The following MTPN variants were observed in gnomAD, a reference collection of about 807,000 sequenced individuals.
The protein encoded by MTPN is myotrophin, also known as granule cell differentiation protein.
Under a neutral mutation model 13.5 loss-of-function variants are expected in MTPN, and 2 were observed. The observed-to-expected ratio is 0.15, with a 90% CI of 0.06 to 0.47. MTPN has a LOEUF of 0.47. Ranked by LOEUF, MTPN falls within the 20% of genes least tolerant of loss-of-function variation. The pLI is 0.97. For missense variants in MTPN, 79 were observed against 137.9 expected (o/e 0.57, Z 2.14); for synonymous variants, 46 against 51.7 (o/e 0.89, Z 0.48).
At chr7:135,974,338 G>A (rs1052189924) in intron 1 of MTPN, among the ~76,000 whole-genome samples, 1 of 152,166 alleles carries the variant, frequency 6.6e-6, no homozygotes, top group Non-Finnish European at 1.5e-5. Flanking sequence ...GAGGCTAGGA[G>A]TTTGAGACCA....
intron 1 of MTPN, among the ~76,000 whole-genome samples, chr7:135,970,734 TA>T (rs1048612312): frequency 1.3e-5 from 2 of 152,042 alleles, no homozygotes; most frequent in Non-Finnish European, 2.9e-5. Context: ...TGTTCCAATG[TA>T]AAAAAAGATC....
At chr7:135,959,182 A>G (rs1360497560) in intron 1 of MTPN, among the ~76,000 whole-genome samples, 1 of 152,110 alleles carries the variant, frequency 6.6e-6, no homozygotes, top group Non-Finnish European at 1.5e-5. Flanking sequence ...AAAGATACAT[A>G]TATCCTATCA....
At chr7:135,938,639 G>A (rs1799153348) in intron 3 of MTPN, among the ~76,000 whole-genome samples, 1 of 152,150 alleles carries the variant, frequency 6.6e-6, no homozygotes, top group South Asian at 2.1e-4. Context: ...TCCTCACTCA[G>A]AAATTTTTAT....
intron 1 of MTPN, among the ~76,000 whole-genome samples, chr7:135,958,336 C>G (rs1490444302): frequency 1.3e-5 from 2 of 152,188 alleles, no homozygotes; most frequent in Non-Finnish European, 2.9e-5. Context: ...ATAGTTTCTA[C>G]AGTCACTTAT....
At chr7:135,963,130 T>C (rs1287628939) in intron 1 of MTPN, among the ~76,000 whole-genome samples, 3 of 152,074 alleles carry the variant, frequency 2.0e-5, no homozygotes, top group African/African-American at 7.2e-5. Context: ...CAAAATTCTA[T>C]ATAGTTGAGT....
chr7:135,969,669 C>CA (rs1165280042), intron 1 of MTPN, among the ~76,000 whole-genome samples: 13 of 151,810 alleles, frequency 8.6e-5, no homozygotes, highest in African/African-American at 3.1e-4. Context: ...AAACAGGATA[C>CA]AAAATCCAAG....
chr7:135,953,147 C>T (rs1799390154), intron 1 of MTPN, among the ~76,000 whole-genome samples: 1 of 152,144 alleles, frequency 6.6e-6, no homozygotes, highest in Non-Finnish European at 1.5e-5. Flanking sequence ...ATGCCTGCTC[C>T]CTCCTTCCTT....
At position 135,977,039 on chromosome 7, in the gene MTPN, T is replaced by A. The variant is rs770993454; in HGVS notation, c.62A>T (p.Tyr21Phe). Residue 21 changes from tyrosine (Y) to phenylalanine (F), a missense_variant, in exon 1 of 4, where the codon TAT becomes TTT. By Grantham distance (22) the Tyr-to-Phe change is conservative. Coordinates refer to ENST00000393085, the MANE Select transcript of MTPN (RefSeq NM_145808.4). ...CTCATCCCCGCTTACCTTGGCCACA[T>A]AGTCTTTCACCTCATCCAAGTCTCC... ...KNGDLDEVKD[Y>F]VAKGEDVNRT... is the part of the protein sequence containing the mutation. 6.3e-7 allele frequency: 1 copy of A among 1,585,100 alleles called. No homozygotes were observed.
At chr7:135,954,748 C>G (rs1799416477) in intron 1 of MTPN, among the ~76,000 whole-genome samples, 1 of 152,142 alleles carries the variant, frequency 6.6e-6, no homozygotes, top group African/African-American at 2.4e-5. Context: ...CGAGACCATC[C>G]TTGCTAACAC....
Position 135,942,445 on chromosome 7 carries a change from A to G in MTPN, c.270+8154T>C, listed in dbSNP as rs1016137045. ...GTACTTGGCTATACTGAGAGGCAGT[A>G]TAATGTAATGGTTACAGACACAGGC... On this transcript the variant is annotated intron_variant, in intron 3 of 3. Coordinates refer to ENST00000393085, the MANE Select transcript of MTPN (RefSeq NM_145808.4). Among the ~76,000 whole-genome samples, 60 of 152,334 alleles carry G rather than the reference A, an allele frequency of 3.9e-4. 4 individuals are homozygous for G. The highest frequency in any genetic ancestry group is 6.8e-3 in the Middle Eastern group (2 of 294).
Position 135,977,185 on chromosome 7 carries a change from G to C in MTPN, c.-85C>G. The C allele has an allele frequency of 7.2e-7, 1 of 1,389,158 alleles. No homozygotes were observed. The highest frequency in any genetic ancestry group is 1.0e-6 in the Non-Finnish European group (1 of 979,970). 86.1% of individuals were successfully genotyped at this position (1,389,158 alleles called of 1,614,324 possible). ...AGCGGATGCCGCCGGGCGAGAGGGA[G>C]GCAGGGCCGCGCGAAGCCGGAGAGG... On this transcript the variant is annotated 5_prime_UTR_variant, in exon 1 of 4. Coordinates refer to ENST00000393085, the MANE Select transcript of MTPN (RefSeq NM_145808.4).
chr7:135,954,227 G>C (rs1258798069), intron 1 of MTPN, among the ~76,000 whole-genome samples: 1 of 152,108 alleles, frequency 6.6e-6, no homozygotes, highest in South Asian at 2.1e-4. Flanking sequence ...TTTAATGAAG[G>C]CTATTATATT....
At chr7:135,943,955 T>C (rs1799249938) in intron 3 of MTPN, among the ~76,000 whole-genome samples, 1 of 152,200 alleles carries the variant, frequency 6.6e-6, no homozygotes, top group African/African-American at 2.4e-5. Context: ...TTTGAAACTT[T>C]CATTGAATTC....
intron 1 of MTPN, among the ~76,000 whole-genome samples, chr7:135,954,413 G>GTA (rs1799409645): frequency 6.6e-6 from 1 of 152,134 alleles, no homozygotes; most frequent in African/African-American, 2.4e-5. Flanking sequence ...TAGTAAGGGC[G>GTA]AACTAGCATA....
rs148637690 is a variant in MTPN at position 135,927,285 on chromosome 7, AG to A, written c.*2640del. Reference sequence around the variant, plus strand: ...ATGCTTAACTGGGTTTAGAAAGGTGAGCTATGCGTAGAAGAACTACTTGGGA... The same window carrying A: ...ATGCTTAACTGGGTTTAGAAAGGTGACTATGCGTAGAAGAACTACTTGGGA... On this transcript the variant is annotated 3_prime_UTR_variant, in exon 4 of 4. Coordinates refer to ENST00000393085, the MANE Select transcript of MTPN (RefSeq NM_145808.4). 50 of 1,546,852 alleles carry A rather than the reference AG, an allele frequency of 3.2e-5. No individual in the cohort carries two copies. In the African/African-American group the frequency reaches 6.8e-4, roughly 21 times the overall value.
intron 2 of MTPN, 80 bp downstream of exon 2, chr7:135,951,437 A>T (rs1181711203): frequency 1.4e-6 from 1 of 721,868 alleles, no homozygotes; most frequent in Non-Finnish European, 2.1e-6. Context: ...ACAAATAGCT[A>T]TTTTATAATC....
At chr7:135,948,738 T>C (rs1026094547) in intron 3 of MTPN, among the ~76,000 whole-genome samples, 3 of 152,204 alleles carry the variant, frequency 2.0e-5, no homozygotes, top group East Asian at 3.8e-4. Context: ...TGTTTTGTTT[T>C]TCCTAGGAGG....
In MTPN at chr7:135,977,127, C is replaced by T; in HGVS notation, c.-27G>A. The T allele has an allele frequency of 6.2e-7, 1 of 1,613,470 alleles. No individual in the cohort carries two copies. Among genetic ancestry groups the T allele is most frequent in the Non-Finnish European group, 8.5e-7 (1 of 1,179,670 alleles). ...ACTGCAGCGGGGCAGGCCGGTTGGC[C>T]GGGCAGAAGATGAGGAGGCGGTGGC... On this transcript the variant is annotated 5_prime_UTR_variant, in exon 1 of 4. Coordinates refer to ENST00000393085, the MANE Select transcript of MTPN (RefSeq NM_145808.4).
chr7:135,936,357 C>G (rs755302640), intron 3 of MTPN, among the ~76,000 whole-genome samples: 2 of 152,140 alleles, frequency 1.3e-5, no homozygotes, highest in Admixed American at 1.3e-4. Flanking sequence ...TGGTGGCAGG[C>G]ACCTGTAATC....
Sources: gnomAD v4.1 joint callset for allele counts (sites outside exome capture counted in the v4.1 genomes callset) on GRCh38, gnomAD v4.1.1 for gene constraint, MANE v1.5 for transcripts, NCBI Gene and HGNC (gene_info 2026-07-23, HGNC 2026-07-21) for gene names.